The following SATB2 variants were observed in gnomAD, a reference collection of about 807,000 sequenced individuals.
SATB2 encodes DNA-binding protein SATB2.
SATB2 carries 1 observed loss-of-function variant against 73.4 expected under a neutral mutation model. The observed-to-expected ratio is 0.01, with a 90% CI of 0.00 to 0.06. SATB2 has a LOEUF of 0.06. SATB2 is among the 10% of genes least tolerant of loss of function. The pLI, the probability that SATB2 is intolerant of heterozygous loss-of-function variation, is 1.00. For missense variants in SATB2, 459 were observed against 945.8 expected (o/e 0.49, Z 6.75); for synonymous variants, 397 against 367.0 (o/e 1.08, Z -0.93).
rs747308023 is a variant in SATB2, at chr2:199,323,833, C to G, written c.1512G>C (p.Leu504=). 1 of 1,613,524 alleles carries G rather than the reference C, an allele frequency of 6.2e-7. No individual in the cohort carries two copies. Among genetic ancestry groups the G allele is most frequent in the Non-Finnish European group, 8.5e-7 (1 of 1,179,620 alleles). ...TTTTATTTGCAGCCACTTTGGCAAA[C>G]AGGGCTTGAGACACCTTGGCCCTTT... ...EMKRAKVSQA[L]FAKVAANKSQ... Residue 504 remains leucine (L), a synonymous_variant, in exon 9 of 11, where the codon CTG becomes CTC. Coordinates refer to ENST00000417098, the MANE Select transcript of SATB2 (RefSeq NM_001172509.2).
At chr2:199,373,045 T>G (rs1397176335) in intron 5 of SATB2, among the ~76,000 whole-genome samples, 2 of 152,184 alleles carry the variant, frequency 1.3e-5, no homozygotes, top group Non-Finnish European at 2.9e-5. Context: ...TGAACAGCAG[T>G]GTGGTACTAA....
intron 2 of SATB2, among the ~76,000 whole-genome samples, chr2:199,448,041 C>T (rs753244392): frequency 5.9e-5 from 9 of 152,090 alleles, no homozygotes; most frequent in South Asian, 2.1e-4. Flanking sequence ...TCTTTTACTA[C>T]GACACTTAAA....
chr2:199,352,694 A>C (rs1688854721), intron 6 of SATB2, among the ~76,000 whole-genome samples: 1 of 152,228 alleles, frequency 6.6e-6, no homozygotes, highest in Admixed American at 6.5e-5. Context: ...CTGCAGAAGA[A>C]CTAGGTGGAG....
At chr2:199,356,990 T>C (rs767610681) in intron 6 of SATB2, among the ~76,000 whole-genome samples, 13 of 152,334 alleles carry the variant, frequency 8.5e-5, no homozygotes, top group South Asian at 8.3e-4. Context: ...GCTTCTTTAA[T>C]GTCATTATTT....
Position 199,272,307 on chromosome 2 carries a change from G to A in SATB2, c.2106C>T (p.Asp702=), listed in dbSNP as rs1692183073. 4 of 1,614,160 alleles carry A rather than the reference G, an allele frequency of 2.5e-6. No individual in the cohort carries two copies. The highest frequency in any genetic ancestry group is 3.4e-6 in the Non-Finnish European group (4 of 1,180,028). The part of the protein sequence containing the change: ...EELLTESEEN[D]SEEGSEEMYK... ...ACATCTCCTCGGAGCCTTCCTCGCT[G>A]TCGTTCTCCTCTGACTCGGTCAGCA... The change falls in exon 11 of 11, where the codon GAC becomes GAT. Residue 702 remains aspartate, a synonymous_variant. Transcript: ENST00000417098. This position sits in a 1 kb window ranked among gnomAD's most constrained non-coding sequence, Gnocchi z 6.7.
intron 6 of SATB2, among the ~76,000 whole-genome samples, chr2:199,361,637 A>G (rs1412069475): frequency 6.6e-6 from 1 of 151,990 alleles, no homozygotes; most frequent in African/African-American, 2.4e-5. Flanking sequence ...AAAACCTTCA[A>G]GGATTCTCAA....
intron 7 of SATB2, among the ~76,000 whole-genome samples, chr2:199,338,260 C>G (rs1024739631): frequency 6.6e-6 from 1 of 151,850 alleles, no homozygotes; most frequent in African/African-American, 2.4e-5. Flanking sequence ...CCCAGCTACT[C>G]GGGAGGCTGA....
chr2:199,359,443 T>C (rs1689075183), intron 6 of SATB2, among the ~76,000 whole-genome samples: 1 of 152,186 alleles, frequency 6.6e-6, no homozygotes, highest in Admixed American at 6.5e-5. Context: ...TTCTAACCAA[T>C]CACATTTGCT....
upstream of SATB2, among the ~76,000 whole-genome samples, chr2:199,467,657 C>T (rs1386865384): frequency 2.6e-5 from 4 of 152,278 alleles, no homozygotes; most frequent in East Asian, 3.9e-4. Flanking sequence ...TGCCTTCTCC[C>T]GGCTTTGGAA....
At chr2:199,332,613 C>T (rs866500240) in intron 7 of SATB2, among the ~76,000 whole-genome samples, 5 of 151,948 alleles carry the variant, frequency 3.3e-5, no homozygotes, top group African/African-American at 1.2e-4. Context: ...AAAATTAATG[C>T]CCTTATTTTT....
chr2:199,426,756 T>C lies in SATB2; in HGVS notation c.346+6582A>G, dbSNP rs535910788. 2.0e-5 allele frequency among the ~76,000 whole-genome samples: 3 copies of C among 150,088 alleles called. No homozygotes were observed. In the East Asian group the frequency reaches 5.8e-4, roughly 29 times the overall value. On this transcript the variant is annotated intron_variant, in intron 3 of 10. Transcript: ENST00000417098. ...AGAAAGAAAAAGAAAAAAAGGTGAA[T>C]TTCTGAATTCCTTTCCAAAATTATG...
chr2:199,394,662 G>A (rs540224834), intron 3 of SATB2, among the ~76,000 whole-genome samples: 19 of 152,174 alleles, frequency 1.2e-4, no homozygotes, highest in Non-Finnish European at 1.5e-4. Context: ...AAAGCCAGGC[G>A]TGGTGGCACG....
intron 7 of SATB2, among the ~76,000 whole-genome samples, chr2:199,331,813 T>C (rs766835544): frequency 5.3e-5 from 8 of 152,154 alleles, no homozygotes; most frequent in Non-Finnish European, 1.2e-4. Context: ...ATACCACAAA[T>C]CACCCCACCT....
chr2:199,370,486 C>T (rs1167576685), intron 5 of SATB2, among the ~76,000 whole-genome samples: 1 of 152,072 alleles, frequency 6.6e-6, no homozygotes, highest in Non-Finnish European at 1.5e-5. Context: ...TGAATTTATC[C>T]TCTGGAAAGG....
intron 7 of SATB2, among the ~76,000 whole-genome samples, chr2:199,331,135 G>C (rs1332816409): frequency 6.6e-6 from 1 of 151,744 alleles, no homozygotes; most frequent in East Asian, 1.9e-4. Flanking sequence ...TGTTCTAATG[G>C]ACCATGGCTC....
chr2:199,441,037 G>C (rs1691801309), intron 2 of SATB2, among the ~76,000 whole-genome samples: 1 of 152,012 alleles, frequency 6.6e-6, no homozygotes, highest in Non-Finnish European at 1.5e-5. Context: ...TGTAGAGACA[G>C]GGTTTCTCCA....
At chr2:199,408,397 T>C (rs1454322694) in intron 3 of SATB2, among the ~76,000 whole-genome samples, 1 of 152,128 alleles carries the variant, frequency 6.6e-6, no homozygotes, top group Non-Finnish European at 1.5e-5. Flanking sequence ...AACTATTACA[T>C]TGAGGTGACT....
chr2:199,391,432 CAAAAAAAAAAA>C (rs56190034), intron 3 of SATB2, among the ~76,000 whole-genome samples: 16 of 98,648 alleles, frequency 1.6e-4, no homozygotes, highest in African/African-American at 3.2e-4. Flanking sequence ...GACTCCGTCT[CAAAAAAAAAAA>C]AAAAAAAAAC....
chr2:199,386,661 G>A (rs892113921), intron 3 of SATB2, among the ~76,000 whole-genome samples: 3 of 150,850 alleles, frequency 2.0e-5, no homozygotes, highest in African/African-American at 7.4e-5. Flanking sequence ...AACTAGTGAT[G>A]ATTAAATTAG....
Sources: gnomAD v4.1 joint callset for allele counts (sites outside exome capture counted in the v4.1 genomes callset) on GRCh38, gnomAD v4.1.1 for gene constraint, Gnocchi (gnomAD v3.1) non-coding constraint, MANE v1.5 for transcripts, NCBI Gene and HGNC (gene_info 2026-07-23, HGNC 2026-07-21) for gene names.